The following CCBE1 variants were observed in gnomAD, a reference collection of about 807,000 sequenced individuals.
CCBE1 encodes collagen and calcium-binding EGF domain-containing protein 1.
CCBE1 carries 37 observed loss-of-function variants against 50.0 expected under a neutral mutation model. That is an observed-to-expected ratio of 0.74 (90% confidence interval 0.57 to 0.97). The LOEUF is 0.97. Ranked by LOEUF, CCBE1 falls within the 50% of genes least tolerant of loss-of-function variation. The pLI is 0.00. For missense variants in CCBE1, 538 were observed against 523.8 expected (o/e 1.03, Z -0.26); for synonymous variants, 234 against 203.7 (o/e 1.15, Z -1.27).
chr18:59,689,453 C>G (rs2054700985), intron 2 of CCBE1, among the ~76,000 whole-genome samples: 1 of 152,198 alleles, frequency 6.6e-6, no homozygotes, highest in African/African-American at 2.4e-5. Context: ...GCTCTTGGCA[C>G]ACATGGATCA....
chr18:59,523,888 G>A (rs538150750), intron 2 of CCBE1, among the ~76,000 whole-genome samples: 1 of 152,248 alleles, frequency 6.6e-6, no homozygotes, highest in South Asian at 2.1e-4. Flanking sequence ...ACTATGATAA[G>A]CCCTAAGATA....
chr18:59,479,548 A>G (rs1912467711), intron 3 of CCBE1, among the ~76,000 whole-genome samples: 3 of 152,360 alleles, frequency 2.0e-5, no homozygotes, highest in Admixed American at 6.5e-5. Context: ...TCTTAAAACC[A>G]TAATTTAACC....
At chr18:59,437,088 C>A (rs754417352) in intron 10 of CCBE1, among the ~76,000 whole-genome samples, 16 of 152,172 alleles carry the variant, frequency 1.1e-4, no homozygotes, top group Non-Finnish European at 2.1e-4. Context: ...GTCAACTCCT[C>A]GTTGACTAGG....
intron 2 of CCBE1, among the ~76,000 whole-genome samples, chr18:59,621,613 T>C (rs1375788555): frequency 6.6e-6 from 1 of 152,182 alleles, no homozygotes; most frequent in Non-Finnish European, 1.5e-5. Context: ...CAGGATTGTC[T>C]TCATTTTACA....
intron 2 of CCBE1, among the ~76,000 whole-genome samples, chr18:59,621,307 T>C (rs1019530338): frequency 2.0e-5 from 3 of 152,192 alleles, no homozygotes; most frequent in African/African-American, 7.2e-5. Context: ...TCAGGCAAGA[T>C]GAATCAGTCC....
At chr18:59,670,352 T>TTCTCCCAC (rs2054415241) in intron 2 of CCBE1, among the ~76,000 whole-genome samples, 1 of 152,166 alleles carries the variant, frequency 6.6e-6, no homozygotes, top group Admixed American at 6.5e-5. Context: ...AATTCATTCC[T>TTCTCCCAC]CTTCAAGGTG....
At chr18:59,649,816 G>C (rs77316844) in intron 2 of CCBE1, among the ~76,000 whole-genome samples, 1 of 152,218 alleles carries the variant, frequency 6.6e-6, no homozygotes, top group African/African-American at 2.4e-5. Context: ...CTCATGTTAC[G>C]GGCTGGGGCC....
At chr18:59,610,762 G>A (rs1197227274) in intron 2 of CCBE1, among the ~76,000 whole-genome samples, 2 of 137,218 alleles carry the variant, frequency 1.5e-5, no homozygotes, top group Non-Finnish European at 3.2e-5. Flanking sequence ...GAGGAACGGA[G>A]CCTCACACAG....
Position 59,697,334 on chromosome 18 carries a change from C to T in CCBE1, c.9G>A (p.Pro3=), listed in dbSNP as rs1288888565. The part of the protein sequence containing the change: MV[P]PPPSRGGAAR... The stretch of plus-strand genomic sequence containing the variant: ...CAGCTCCTCCCCGGCTCGGAGGCGG[C>T]GGCACCATCAGGGAAGCTCCCGGCT... The change falls in exon 1 of 11, where the codon CCG becomes CCA. Residue 3 remains proline, a synonymous_variant. Coordinates refer to ENST00000439986, the MANE Select transcript of CCBE1 (RefSeq NM_133459.4). 6.5e-7 allele frequency: 1 copy of T among 1,547,652 alleles called. No individual in the cohort carries two copies. The highest frequency in any genetic ancestry group is 8.7e-7 in the Non-Finnish European group (1 of 1,146,836).
intron 2 of CCBE1, among the ~76,000 whole-genome samples, chr18:59,639,133 C>T (rs541148852): frequency 6.6e-6 from 1 of 152,114 alleles, no homozygotes; most frequent in Non-Finnish European, 1.5e-5. Context: ...ATAAGCCAGG[C>T]ATGGTGGTGT....
chr18:59,657,898 C>CA lies in CCBE1; in HGVS notation c.212+38730dup, dbSNP rs1346968910. ...AACAACAAACAACAACAAACAACAACAACAACAACAGAAACAGATACATTA... is the reference window on the plus strand; with the variant it reads ...AACAACAAACAACAACAAACAACAACAAACAACAACAGAAACAGATACATTA... On this transcript the variant is annotated intron_variant, in intron 2 of 10. Coordinates refer to ENST00000439986, the MANE Select transcript of CCBE1 (RefSeq NM_133459.4). Among the ~76,000 whole-genome samples, 11 of 151,852 alleles carry CA rather than the reference C, an allele frequency of 7.2e-5. No individual in the cohort carries two copies. In the East Asian group the frequency reaches 9.7e-4, roughly 13 times the overall value.
chr18:59,643,780 C>T (rs1313306030), intron 2 of CCBE1, among the ~76,000 whole-genome samples: 2 of 150,596 alleles, frequency 1.3e-5, no homozygotes, highest in Non-Finnish European at 3.0e-5. Context: ...CAAGATCATG[C>T]CACTGTACTC....
chr18:59,579,214 T>C (rs1433941188), intron 2 of CCBE1, among the ~76,000 whole-genome samples: 1 of 152,186 alleles, frequency 6.6e-6, no homozygotes, highest in Non-Finnish European at 1.5e-5. Context: ...TAAATGCACC[T>C]GTTTGCCTCT....
intron 2 of CCBE1, among the ~76,000 whole-genome samples, chr18:59,621,225 A>G (rs1441170599): frequency 3.9e-5 from 6 of 152,180 alleles, no homozygotes; most frequent in Non-Finnish European, 8.8e-5. Context: ...AACTCCCCAC[A>G]CACTCACACC....
chr18:59,650,437 G>C lies in CCBE1; in HGVS notation c.212+46192C>G, dbSNP rs150848845. On this transcript the variant is annotated intron_variant, in intron 2 of 10. Coordinates refer to ENST00000439986, the MANE Select transcript of CCBE1 (RefSeq NM_133459.4). The stretch of plus-strand genomic sequence containing the variant: ...CCTCCTGTTCCCTTCAGCTTTTCAC[G>C]ATCCCATGGGAAACTCCCAACGTGA... Among the ~76,000 whole-genome samples, 899 of 151,148 alleles carry C rather than the reference G, an allele frequency of 5.9e-3. 4 individuals are homozygous for C. Among genetic ancestry groups the C allele is most frequent in the Middle Eastern group, 0.021 (6 of 290 alleles).
At chr18:59,506,600 G>A (rs1331509940) in intron 2 of CCBE1, among the ~76,000 whole-genome samples, 2 of 152,174 alleles carry the variant, frequency 1.3e-5, no homozygotes, top group Non-Finnish European at 2.9e-5. Context: ...AATGGAGCCT[G>A]ATATACCTGT....
At position 59,471,192 on chromosome 18, in the gene CCBE1, G is replaced by A. The variant is rs1912018894; in HGVS notation, c.266-1585C>T. ...TCGAAGTGTTTGAGTTGATCATGGTGCCTAACAAGGCAGTTCCCTGTCTCT... is the reference window on the plus strand; with the variant it reads ...TCGAAGTGTTTGAGTTGATCATGGTACCTAACAAGGCAGTTCCCTGTCTCT... On this transcript the variant is annotated intron_variant, in intron 3 of 10. Coordinates refer to ENST00000439986, the MANE Select transcript of CCBE1 (RefSeq NM_133459.4). Among the ~76,000 whole-genome samples the A allele has an allele frequency of 3.3e-5, 5 of 152,318 alleles. No homozygotes were observed. In the South Asian group the frequency reaches 1.0e-3, roughly 32 times the overall value.
chr18:59,633,950 C>CA (rs113333182), intron 2 of CCBE1, among the ~76,000 whole-genome samples: 1,760 of 152,124 alleles, frequency 0.012, 34 homozygotes, highest in East Asian at 0.037. Flanking sequence ...TAGACATGGC[C>CA]AATATGGGAA....
chr18:59,476,320 C>G (rs1423489250), intron 3 of CCBE1, among the ~76,000 whole-genome samples: 1 of 152,312 alleles, frequency 6.6e-6, no homozygotes, highest in East Asian at 1.9e-4. Flanking sequence ...AGCTACCTGG[C>G]AGGGACTGTG....
Sources: gnomAD v4.1 joint callset for allele counts (sites outside exome capture counted in the v4.1 genomes callset) on GRCh38, gnomAD v4.1.1 for gene constraint, MANE v1.5 for transcripts, NCBI Gene and HGNC (gene_info 2026-07-23, HGNC 2026-07-21) for gene names.